Variants in NCOR1 observed in about 807,000 individuals in gnomAD.
NCOR1 encodes the protein protein phosphatase 1, regulatory subunit 109.
In NCOR1, 63 loss-of-function variants were observed where a neutral mutation model predicts 288.1. That is an observed-to-expected ratio of 0.22 (90% CI 0.18 to 0.27). The LOEUF (loss-of-function observed/expected upper bound fraction) is 0.27, where lower values mean the gene tolerates loss of function less well. Ranked by LOEUF, NCOR1 falls within the 10% of genes least tolerant of loss-of-function variation. NCOR1 has a pLI of 1.00. For synonymous variants in NCOR1, 1,007 were observed against 1,065.9 expected (o/e 0.94, Z 1.08); for missense variants, 2,397 against 3,019.2 (o/e 0.79, Z 4.83).
chr17:16,195,437 C>A (rs528481496), intron 1 of NCOR1, among the ~76,000 whole-genome samples: 1 of 151,632 alleles, frequency 6.6e-6, no homozygotes, highest in African/African-American at 2.4e-5. Flanking sequence ...CGCCATTGCA[C>A]GCCAGCCGGG....
At chr17:16,092,219 G>C (rs1312801551) in intron 21 of NCOR1, among the ~76,000 whole-genome samples, 161 bp from the exon 22 acceptor site, 2 of 152,140 alleles carry the variant, frequency 1.3e-5, no homozygotes, top group East Asian at 3.9e-4. Context: ...AGGCATTGCA[G>C]TGGCTCATGC....
chr17:16,149,570 A>C (rs2078545276), intron 8 of NCOR1, 53 bp from the exon 9 acceptor site: 2 of 839,404 alleles, frequency 2.4e-6, no homozygotes, highest in African/African-American at 3.5e-5. Context: ...CAATTTAATA[A>C]TGCATTCACT....
chr17:16,139,756 T>C (rs1010163310), intron 11 of NCOR1, among the ~76,000 whole-genome samples: 9 of 152,226 alleles, frequency 5.9e-5, no homozygotes, highest in African/African-American at 2.2e-4. Flanking sequence ...GAAGCTTGTT[T>C]CAACTAAAAC....
In NCOR1 at chr17:16,036,496, C is replaced by T. The variant is rs559663022; in HGVS notation, c.6956-1552G>A. 1.3e-3 allele frequency among the ~76,000 whole-genome samples: 198 copies of T among 152,322 alleles called. 1 individual carries two copies. The highest frequency in any genetic ancestry group is 4.5e-3 in the African/African-American group (188 of 41,578). On this transcript the variant is annotated intron_variant, in intron 44 of 45. Coordinates refer to ENST00000268712, the MANE Select transcript of NCOR1 (RefSeq NM_006311.4). ...AGCCTGTCTTTTGAAGTTTTGGACT[C>T]TTCCAGTAGAAGGCTGTTTTGTCTA...
chr17:16,072,071 C>A, intron 29 of NCOR1, 74 bp downstream of exon 29: 1 of 1,173,758 alleles, frequency 8.5e-7, no homozygotes, highest in Non-Finnish European at 1.2e-6. Context: ...CAGAAATACA[C>A]TGTAAATTAA....
At chr17:16,134,745 T>C (rs994516743) in intron 14 of NCOR1, among the ~76,000 whole-genome samples, 1 of 152,224 alleles carries the variant, frequency 6.6e-6, no homozygotes. Flanking sequence ...AGGTACACTG[T>C]ATAAGTATCA....
chr17:16,057,946 G>A lies in NCOR1; in HGVS notation c.6129C>T (p.Pro2043=), dbSNP rs750638328. 5.0e-6 allele frequency: 8 copies of A among 1,614,126 alleles called. No homozygotes were observed. The highest frequency in any genetic ancestry group is 6.8e-6 in the Non-Finnish European group (8 of 1,180,012). Residue 2043 remains proline, a synonymous_variant, in exon 39 of 46, where the codon CCC becomes CCT. Coordinates refer to ENST00000268712, the MANE Select transcript of NCOR1 (RefSeq NM_006311.4). ...SSQAEGMGQV[P]RTHRLITLAD... is the part of the protein sequence containing the mutation. ...CAAGTGTGATCAGCCGATGGGTCCT[G>A]GGCACTTGCCCCATTCCCTCTGCCT...
chr17:16,100,995 C>G (rs1327374716), intron 20 of NCOR1, among the ~76,000 whole-genome samples: 1 of 152,188 alleles, frequency 6.6e-6, no homozygotes, highest in Non-Finnish European at 1.5e-5. Flanking sequence ...GTTGAAATTC[C>G]CTGTTATGCT....
At chr17:16,080,330 TA>T in intron 25 of NCOR1, 77 bp downstream of exon 25, 1 of 1,186,328 alleles carries the variant, frequency 8.4e-7, no homozygotes, top group South Asian at 1.6e-5. Context: ...AGCCCATCAT[TA>T]AAATATATTA....
At chr17:16,153,468 A>G in intron 6 of NCOR1, 73 bp from the exon 7 acceptor site, 3 of 1,010,328 alleles carry the variant, frequency 3.0e-6, no homozygotes, top group South Asian at 3.2e-5. Flanking sequence ...TTATTTAGAA[A>G]TATTTATCTA....
intron 2 of NCOR1, among the ~76,000 whole-genome samples, chr17:16,188,809 G>A (rs2087387168): frequency 6.6e-6 from 1 of 151,286 alleles, no homozygotes; most frequent in Non-Finnish European, 1.5e-5. Context: ...CGGATCCCTT[G>A]AGGTCAGGAT....
At chr17:16,139,791 T>G (rs2076908156) in intron 11 of NCOR1, among the ~76,000 whole-genome samples, 1 of 152,206 alleles carries the variant, frequency 6.6e-6, no homozygotes, top group Non-Finnish European at 1.5e-5. Flanking sequence ...AGAACTTATT[T>G]TTCCCAAAGT....
At chr17:16,050,000 C>T (rs748166076) in intron 40 of NCOR1, among the ~76,000 whole-genome samples, 1 of 152,200 alleles carries the variant, frequency 6.6e-6, no homozygotes, top group Non-Finnish European at 1.5e-5. Context: ...AAGTGGTCCT[C>T]TCACTTACAT....
intron 40 of NCOR1, among the ~76,000 whole-genome samples, chr17:16,054,070 T>TAAAAAAAAAAAAAAA (rs752015595): frequency 8.3e-5 from 6 of 72,094 alleles, no homozygotes; most frequent in East Asian, 3.7e-4. Context: ...GACTTAAATG[T>TAAAAAAAAAAAAAAA]AAAAAAAAAA....
chr17:16,200,853 T>G (rs114524130), intron 1 of NCOR1, among the ~76,000 whole-genome samples: 211 of 152,286 alleles, frequency 1.4e-3, no homozygotes, highest in African/African-American at 4.9e-3. Context: ...ACCACCACCC[T>G]GGGCATCCCA....
rs761645307 is a variant in NCOR1, at chr17:16,062,222, G to A, written c.5270C>T (p.Pro1757Leu). The change falls in exon 36 of 46, where the codon CCT becomes CTT. Residue 1757 changes from proline to leucine, a missense_variant. Pro to Leu is a moderately conservative substitution (Grantham distance 98). Transcript: ENST00000268712. ...CTCCTGAGTTCTTACTGAAGGGGAA[G>A]GGGAGCGAACATATCCATGACTGCC... is the stretch of plus-strand genomic sequence containing the variant. ...RPGSHGYVRSPSPSVRTQETM... is the reference protein window; with the variant it reads ...RPGSHGYVRSLSPSVRTQETM... 11 of 1,613,638 alleles carry A rather than the reference G, an allele frequency of 6.8e-6. No individual in the cohort carries two copies.
In NCOR1 at chr17:16,039,604, C is replaced by G; in HGVS notation, c.6784G>C (p.Gly2262Arg). 2 of 1,614,080 alleles carry G rather than the reference C, an allele frequency of 1.2e-6. No homozygotes were observed. The highest frequency in any genetic ancestry group is 1.7e-6 in the Non-Finnish European group (2 of 1,180,012). The change falls in exon 44 of 46, where the codon GGG (glycine) becomes CGG (arginine). Residue 2262 changes from glycine (G) to arginine (R), a missense_variant. By Grantham distance (125) the Gly-to-Arg change is moderately radical (BLOSUM62 -2). This residue lies in a region of NCOR1 where 1,872 missense variants were observed against 2,187.8 expected (regional missense o/e 0.86). Coordinates refer to ENST00000268712, the MANE Select transcript of NCOR1 (RefSeq NM_006311.4). ...HSFADPASNL[G>R]LEDIIRKALM... ...GCCTTCCTGATAATGTCTTCCAGCCCAAGATTACTGGCAGGATCAGCAAAA... is the reference window on the plus strand; with the variant it reads ...GCCTTCCTGATAATGTCTTCCAGCCGAAGATTACTGGCAGGATCAGCAAAA...
chr17:16,050,989 T>A (rs1044531494), intron 40 of NCOR1, among the ~76,000 whole-genome samples: 7 of 152,216 alleles, frequency 4.6e-5, no homozygotes, highest in African/African-American at 1.7e-4. Context: ...CATGCCACCA[T>A]GCCTGGGCGA....
In NCOR1 at chr17:16,114,160, A is replaced by AAAAAAAAAAAAAAAAAAC. The variant is rs2071033766; in HGVS notation, c.2055+3727_2055+3728insGTTTTTTTTTTTTTTTTT. Among the ~76,000 whole-genome samples the AAAAAAAAAAAAAAAAAAC allele has an allele frequency of 3.7e-5, 4 of 106,894 alleles. 1 individual carries two copies. The highest frequency in any genetic ancestry group is 8.1e-5 in the Non-Finnish European group (4 of 49,464). The allele number at this position is 106,894 out of a possible 152,430, so 70.1% of individuals were successfully genotyped here. On this transcript the variant is annotated intron_variant, in intron 18 of 45. Coordinates refer to ENST00000268712, the MANE Select transcript of NCOR1 (RefSeq NM_006311.4). Reference sequence around the variant, plus strand: ...GCGGCAGGCAAAAAAAAAAAAAAAAAAAAAAAAAACTTGTGCAGGGGAACT... The same window carrying AAAAAAAAAAAAAAAAAAC: ...GCGGCAGGCAAAAAAAAAAAAAAAAAAAAAAAAAAAAAAAAAACAAAAAAAAACTTGTGCAGGGGAACT...
Sources: allele counts gnomAD v4.1 joint callset (sites outside exome capture counted in the v4.1 genomes callset), GRCh38; gene constraint gnomAD v4.1.1; regional missense constraint gnomAD v4.1.1; transcripts MANE v1.5; gene names NCBI Gene and HGNC (gene_info 2026-07-23, HGNC 2026-07-21).